The following CCDC32 variants were observed in gnomAD, a reference collection of about 807,000 sequenced individuals.
CCDC32 encodes coiled-coil domain containing 32.
Under a neutral mutation model 20.1 loss-of-function variants are expected in CCDC32, and 9 were observed. The observed-to-expected ratio is 0.45, with a 90% CI of 0.27 to 0.78. The LOEUF is 0.78. Among genes scored for constraint, CCDC32 ranks in the 30% least tolerant of loss-of-function variants. The pLI is 0.16. For missense variants in CCDC32, 204 were observed against 215.5 expected, an observed-to-expected ratio of 0.95 and a Z score of 0.33; for synonymous variants, 63 against 79.0, an observed-to-expected ratio of 0.80 and a Z score of 1.07.
downstream of CCDC32, among the ~76,000 whole-genome samples, chr15:40,532,714 CTTTTT>C (rs1189285245): frequency 2.2e-5 from 2 of 91,486 alleles, no homozygotes; most frequent in Non-Finnish European, 4.3e-5. Flanking sequence ...TGTTTTCTTT[CTTTTT>C]TTTTTTTTTT....
chr15:40,539,788 C>T (rs912086839), intron 3 of CCDC32, among the ~76,000 whole-genome samples: 2 of 149,126 alleles, frequency 1.3e-5, no homozygotes, highest in Admixed American at 6.7e-5. Context: ...GGCTGGACAA[C>T]ATTTGCCACC....
At chr15:40,548,392 AG>A (rs1289879658), downstream of CCDC32, among the ~76,000 whole-genome samples, 4 of 152,306 alleles carry the variant, frequency 2.6e-5, no homozygotes, top group African/African-American at 7.2e-5. Context: ...CGCAGACTAG[AG>A]GGGGCTGCAA....
In CCDC32 at chr15:40,557,506, T is replaced by C. The variant is rs1354696214; in HGVS notation, c.245-134A>G. 5 of 814,072 alleles carry C rather than the reference T, an allele frequency of 6.1e-6. No homozygotes were observed. In the Admixed American group the frequency reaches 1.4e-4, roughly 22 times the overall value. 50.4% of individuals were successfully genotyped at this position (814,072 alleles called of 1,614,324 possible). Reference sequence around the variant, plus strand: ...CCACACTCCCTGCCAAAGAGGTCATTTTTTAAGGACAGATAAAAGGGAATT... The same window carrying C: ...CCACACTCCCTGCCAAAGAGGTCATCTTTTAAGGACAGATAAAAGGGAATT... On this transcript the variant is annotated intron_variant, in intron 2 of 3. Transcript: ENST00000416810.
chr15:40,561,346 G>A (rs913846615), intron 2 of CCDC32, among the ~76,000 whole-genome samples: 1 of 152,050 alleles, frequency 6.6e-6, no homozygotes, highest in Non-Finnish European at 1.5e-5. Flanking sequence ...GGTGGTGGGC[G>A]ACTGTAATCC....
At chr15:40,532,102 T>C (rs926022595), downstream of CCDC32, 2 of 506,504 alleles carry the variant, frequency 3.9e-6, no homozygotes, top group Non-Finnish European at 7.0e-6. Flanking sequence ...AGTTGTTCTA[T>C]TATGGGTTCT....
intron 2 of CCDC32, among the ~76,000 whole-genome samples, chr15:40,561,109 G>A (rs1259617060): frequency 6.6e-6 from 1 of 152,162 alleles, no homozygotes; most frequent in Non-Finnish European, 1.5e-5. Context: ...AGTAACTCAG[G>A]AATGGAAAAC....
intron 2 of CCDC32, among the ~76,000 whole-genome samples, chr15:40,558,813 T>C (rs1399315278): frequency 6.6e-6 from 1 of 152,000 alleles, no homozygotes; most frequent in African/African-American, 2.4e-5. Flanking sequence ...TTTCTTTTTT[T>C]TTTTGAGACG....
chr15:40,522,321 A>G, the CCDC32 span, among the ~76,000 whole-genome samples: 1 of 152,218 alleles, frequency 6.6e-6, no homozygotes, highest in Non-Finnish European at 1.5e-5. Context: ...CTTTATGTCT[A>G]TCCTTATGGC....
chr15:40,553,280 G>T lies in CCDC32; in HGVS notation c.*691C>A, dbSNP rs1889990476. 2.0e-6 allele frequency: 2 copies of T among 985,426 alleles called. No individual in the cohort carries two copies. Among genetic ancestry groups the T allele is most frequent in the Non-Finnish European group, 2.4e-6 (2 of 829,946 alleles). 61.0% of individuals were successfully genotyped at this position (985,426 alleles called of 1,614,324 possible). A position where few individuals can be genotyped will look rare whatever the true frequency, so the allele number is the denominator to read the frequency against. On this transcript the variant is annotated 3_prime_UTR_variant, in exon 4 of 4. Transcript: ENST00000416810. Reference sequence around the variant, plus strand: ...ATTTGGAACCTGGCCCTTTTTAAGTGCAGGAGGAAGTTGGAGGAGAAGCCA... The same window carrying T: ...ATTTGGAACCTGGCCCTTTTTAAGTTCAGGAGGAAGTTGGAGGAGAAGCCA...
At chr15:40,556,435 C>A (rs1472238453) in intron 3 of CCDC32, among the ~76,000 whole-genome samples, 1 of 152,200 alleles carries the variant, frequency 6.6e-6, no homozygotes, top group African/African-American at 2.4e-5. Context: ...AACTTCCTTA[C>A]ACCATTCCCT....
chr15:40,557,053 A>T (rs554694555), intron 3 of CCDC32, 163 bp downstream of exon 3: 1 of 683,504 alleles, frequency 1.5e-6, no homozygotes, highest in Non-Finnish European at 2.3e-6. Context: ...AATGAACACA[A>T]TGCTTTATCC....
intron 3 of CCDC32, among the ~76,000 whole-genome samples, chr15:40,543,627 G>A (rs1889493931): frequency 6.6e-6 from 1 of 152,100 alleles, no homozygotes; most frequent in Admixed American, 6.5e-5. Context: ...GCTAATTTTT[G>A]TATTTTTAGT....
chr15:40,564,055 T>C (rs8035774), intron 1 of CCDC32, among the ~76,000 whole-genome samples: 133,770 of 151,496 alleles, frequency 0.88, 59,366 homozygotes, highest in Non-Finnish European at 0.93. Context: ...CTCCTGATCT[T>C]GTGATCCGCC....
At chr15:40,536,902 G>A (rs1270803586), downstream of CCDC32, 1 of 152,294 alleles carries the variant, frequency 6.6e-6, no homozygotes, top group Non-Finnish European at 1.5e-5. Context: ...AGGGTCGACT[G>A]AGGACAGCTT....
At chr15:40,548,635 G>A (rs1202149857), downstream of CCDC32, among the ~76,000 whole-genome samples, 4 of 152,096 alleles carry the variant, frequency 2.6e-5, no homozygotes, top group African/African-American at 9.7e-5. Flanking sequence ...TATGTCTGAT[G>A]CCTGGGGTGG....
chr15:40,553,442 AT>A lies in CCDC32; in HGVS notation c.*528del. 1.0e-6 allele frequency: 1 copy of A among 985,856 alleles called. No individual in the cohort carries two copies. Among genetic ancestry groups the A allele is most frequent in the Non-Finnish European group, 1.2e-6 (1 of 830,318 alleles). 61.1% of individuals were successfully genotyped at this position (985,856 alleles called of 1,614,324 possible). ...CCTGGAGTCCGTATACTTACTACAGATTTGTTAGAGAAGCCCCAGATGGGGC... is the reference window on the plus strand; with the variant it reads ...CCTGGAGTCCGTATACTTACTACAGATTGTTAGAGAAGCCCCAGATGGGGC... On this transcript the variant is annotated 3_prime_UTR_variant, in exon 4 of 4. Coordinates refer to ENST00000416810, the MANE Select transcript of CCDC32 (RefSeq NM_001080792.4).
Position 40,557,308 on chromosome 15 carries a change from A to C in CCDC32, c.309T>G (p.Thr103=). Residue 103 remains threonine (T), a synonymous_variant, in exon 3 of 4, where the codon ACT becomes ACG. Coordinates refer to ENST00000416810, the MANE Select transcript of CCDC32 (RefSeq NM_001080792.4). The stretch of plus-strand genomic sequence containing the variant: ...AGCATTCCTTCTTGGCTTGGGCCAG[A>C]GTTCGAAGCATGTCCTTGGAAGTCA... ...QEVTSKDMLR[T]LAQAKKECWD... is the part of the protein sequence containing the mutation. The C allele has an allele frequency of 6.2e-7, 1 of 1,614,216 alleles. No individual in the cohort carries two copies. The highest frequency in any genetic ancestry group is 1.7e-5 in the Admixed American group (1 of 60,016).
chr15:40,521,616 G>A, the CCDC32 span, among the ~76,000 whole-genome samples: 1 of 152,062 alleles, frequency 6.6e-6, no homozygotes, highest in Non-Finnish European at 1.5e-5. Flanking sequence ...AATGTATGAG[G>A]GTTCCAGTTT....
downstream of CCDC32, among the ~76,000 whole-genome samples, chr15:40,551,515 CA>C (rs933060593): frequency 2.0e-5 from 3 of 152,030 alleles, no homozygotes; most frequent in African/African-American, 7.3e-5. Context: ...TCAATGTACC[CA>C]GGGGCCACAG....
Sources: allele counts gnomAD v4.1 joint callset (sites outside exome capture counted in the v4.1 genomes callset), GRCh38; gene constraint gnomAD v4.1.1; transcripts MANE v1.5; gene names NCBI Gene and HGNC (gene_info 2026-07-23, HGNC 2026-07-21).